Variants in ASPG observed in about 807,000 individuals in gnomAD.
ASPG encodes 60 kDa lysophospholipase.
ASPG carries 53 observed loss-of-function variants against 63.2 expected under a neutral mutation model. The ratio of observed to expected loss-of-function variants is 0.84; its 90% CI spans 0.67 to 1.05. ASPG has a LOEUF of 1.05. Ranked by LOEUF, ASPG falls within the 50% of genes least tolerant of loss-of-function variation. The pLI is 0.00. For synonymous variants in ASPG, 370 were observed against 355.0 expected, an observed-to-expected ratio of 1.04 and a Z score of -0.48; for missense variants, 741 against 794.4, an observed-to-expected ratio of 0.93 and a Z score of 0.81.
Position 104,105,435 on chromosome 14 carries a change from T to C in ASPG, c.1158T>C (p.Ser386=). The C allele has an allele frequency of 6.2e-7, 1 of 1,602,500 alleles. No homozygotes were observed. Among genetic ancestry groups the C allele is most frequent in the East Asian group, 2.2e-5 (1 of 44,572 alleles). Residue 386 remains serine, a synonymous_variant, in exon 10 of 16, where the codon AGT becomes AGC. Transcript: ENST00000551177. The part of the protein sequence containing the change: ...TLGGGVSWLL[S]LSGSQEADAL... ...GCGGTGGGGTCTCCTGGCTCCTCAG[T>C]CTGAGCGGCAGCCAGGTAATGGCGT...
At chr14:104,103,372 A>C (rs1467844) in intron 6 of ASPG, among the ~76,000 whole-genome samples, 191 bp from the exon 7 acceptor site, 1 of 152,218 alleles carries the variant, frequency 6.6e-6, no homozygotes, top group African/African-American at 2.4e-5. Context: ...AGCCTGGCAC[A>C]GGCCGGACTG....
Position 104,104,373 on chromosome 14 carries a change from A to G in ASPG, c.823A>G (p.Thr275Ala). ...METFGSGNGP[T>A]KPDLLQELRV... ...GACCTTCGGTTCAGGGAACGGACCC[A>G]CCAAGCCCGACCTGCTGCAGGAGCT... is the stretch of plus-strand genomic sequence containing the variant. The change falls in exon 8 of 16, where the codon ACC becomes GCC. Residue 275 changes from threonine (T) to alanine (A), a missense_variant. Coordinates refer to ENST00000551177, the MANE Select transcript of ASPG (RefSeq NM_001080464.3). 1.6e-5 allele frequency: 25 copies of G among 1,612,544 alleles called. No homozygotes were observed. The highest frequency in any genetic ancestry group is 2.1e-5 in the Non-Finnish European group (25 of 1,179,784).
rs1216025691 is a variant in ASPG at position 104,110,628 on chromosome 14, C to T, written c.1521-874C>T. The T allele has an allele frequency of 3.0e-6, 3 of 985,184 alleles. No homozygotes were observed. The highest frequency in any genetic ancestry group is 3.6e-6 in the Non-Finnish European group (3 of 829,870). The allele number at this position is 985,184 out of a possible 1,614,324, so 61.0% of individuals were successfully genotyped here. ...TCCAGGAGGGGCCAGTGAGGCCATC[C>T]AGCAGATTCGCTGCAGAGATTACCC... On this transcript the variant is annotated intron_variant, in intron 13 of 15. Transcript: ENST00000551177. The surrounding 1 kb of genome is among the most constrained non-coding windows in gnomAD (Gnocchi z 4.7).
rs749609913 is a variant in ASPG, at chr14:104,093,635, TGGTGTGTGGGTGGGGCTGA to T, written c.303+52_303+70del. 3.4e-3 allele frequency: 2,865 copies of T among 843,720 alleles called. 6 individuals are homozygous for T. The highest frequency in any genetic ancestry group is 7.1e-3 in the Middle Eastern group (19 of 2,678). 52.3% of individuals were successfully genotyped at this position (843,720 alleles called of 1,614,324 possible). A position where few individuals can be genotyped will look rare whatever the true frequency, so the allele number is the denominator to read the frequency against. Reference sequence around the variant, plus strand: ...GGCTGGGGAATGCTGGGTGGGGCTGTGGTGTGTGGGTGGGGCTGAGGTGTGTGGGTGGGGCTGTGGTGTG... The same window carrying T: ...GGCTGGGGAATGCTGGGTGGGGCTGTGGTGTGTGGGTGGGGCTGTGGTGTG... On this transcript the variant is annotated intron_variant, in intron 3 of 15. Transcript: ENST00000551177.
intron 10 of ASPG, 90 bp from the exon 11 acceptor site, chr14:104,106,709 C>A: frequency 1.7e-6 from 2 of 1,173,622 alleles, no homozygotes; most frequent in Non-Finnish European, 2.4e-6. Flanking sequence ...TGTGTGGGGG[C>A]TGGCAGGGGT....
intron 12 of ASPG, among the ~76,000 whole-genome samples, chr14:104,108,001 A>C (rs1239844558): frequency 1.3e-5 from 2 of 152,040 alleles, no homozygotes; most frequent in African/African-American, 4.8e-5. Flanking sequence ...GGCCTGCAGG[A>C]CCCTGGGTTC....
Position 104,092,753 on chromosome 14 carries a change from C to T in ASPG, c.191+12C>T, listed in dbSNP as rs936503965. 4 of 1,531,936 alleles carry T rather than the reference C, an allele frequency of 2.6e-6. No individual in the cohort carries two copies. The highest frequency in any genetic ancestry group is 3.5e-6 in the Non-Finnish European group (4 of 1,143,732). 94.9% of individuals were successfully genotyped at this position (1,531,936 alleles called of 1,614,324 possible). A position where few individuals can be genotyped will look rare whatever the true frequency, so the allele number is the denominator to read the frequency against. The stretch of plus-strand genomic sequence containing the variant: ...ACCCTGGTGCTACCGTGAGTGTGGG[C>T]TCCTCCCAGTCCCGGACAGGGCATG... On this transcript the variant is annotated intron_variant, in intron 2 of 15. Coordinates refer to ENST00000551177, the MANE Select transcript of ASPG (RefSeq NM_001080464.3).
Position 104,112,712 on chromosome 14 carries a change from A to G in ASPG, c.*168A>G. On this transcript the variant is annotated 3_prime_UTR_variant, in exon 16 of 16. Transcript: ENST00000551177. ...ATAAAGTCTCTGACATCCCCTCACC[A>G]GGTCTGTACAGCCTGGCTCTGAGAG... 1.4e-6 allele frequency: 2 copies of G among 1,455,416 alleles called. No individual in the cohort carries two copies. The highest frequency in any genetic ancestry group is 4.0e-5 in the Admixed American group (2 of 49,764). 90.2% of individuals were successfully genotyped at this position (1,455,416 alleles called of 1,614,324 possible).
Position 104,097,592 on chromosome 14 carries a change from C to T in ASPG, c.468C>T (p.Asn156=). The T allele has an allele frequency of 6.4e-7, 1 of 1,564,164 alleles. No individual in the cohort carries two copies. The highest frequency in any genetic ancestry group is 8.7e-7 in the Non-Finnish European group (1 of 1,154,984). Residue 156 remains asparagine (N), a synonymous_variant, in exon 5 of 16, where the codon AAC becomes AAT. Coordinates refer to ENST00000551177, the MANE Select transcript of ASPG (RefSeq NM_001080464.3). ...IHALWSDGRE[N]LLGALLMAGQ... is the part of the protein sequence containing the mutation. Reference sequence around the variant, plus strand: ...CCCTGTGGAGCGACGGCCGTGAGAACCTGCTGGGGGCACTGCTCATGGCTG... The same window carrying T: ...CCCTGTGGAGCGACGGCCGTGAGAATCTGCTGGGGGCACTGCTCATGGCTG...
Position 104,109,411 on chromosome 14 carries a change from G to A in ASPG, c.1520+96G>A. On this transcript the variant is annotated intron_variant, in intron 13 of 15. Coordinates refer to ENST00000551177, the MANE Select transcript of ASPG (RefSeq NM_001080464.3). The surrounding 1 kb of genome is among the most constrained non-coding windows in gnomAD (Gnocchi z 4.8). ...TGCTGGGAGGGACAAGTGAGTCAGG[G>A]TGTGGGGGCTTTCAGAGGCGAGGCC... The A allele has an allele frequency of 7.3e-7, 1 of 1,373,048 alleles. No individual in the cohort carries two copies. Among genetic ancestry groups the A allele is most frequent in the Non-Finnish European group, 9.8e-7 (1 of 1,022,062 alleles). 85.1% of individuals were successfully genotyped at this position (1,373,048 alleles called of 1,614,324 possible).
intron 3 of ASPG, 48 bp downstream of exon 3, chr14:104,093,650 G>A: frequency 1.0e-6 from 1 of 965,032 alleles, no homozygotes; most frequent in Non-Finnish European, 1.3e-6. Flanking sequence ...TGTGGGTGGG[G>A]CTGAGGTGTG....
At chr14:104,107,797 A>C (rs969307409) in intron 12 of ASPG, among the ~76,000 whole-genome samples, 1 of 152,186 alleles carries the variant, frequency 6.6e-6, no homozygotes, top group African/African-American at 2.4e-5. Flanking sequence ...GCAGAGACGG[A>C]GTGTGTGCCT....
At chr14:104,094,870 T>A (rs1227983002) in intron 3 of ASPG, among the ~76,000 whole-genome samples, 1 of 152,188 alleles carries the variant, frequency 6.6e-6, no homozygotes, top group Non-Finnish European at 1.5e-5. Flanking sequence ...CCTCTGCAGT[T>A]CCCAGGCCTA....
chr14:104,104,992 C>G (rs2037058983), intron 9 of ASPG: 1 of 575,908 alleles, frequency 1.7e-6, no homozygotes, highest in Non-Finnish European at 3.1e-6. Context: ...AGACCTGAGG[C>G]TCCCCTAACT....
chr14:104,097,854 A>ATGGAGGTTCTGCGTTAGAGATGCG lies in ASPG; in HGVS notation c.513+218_513+219insGGAGGTTCTGCGTTAGAGATGCGT, dbSNP rs1566830008. ...TATGGAGGTTCTGCGTTAGAGATGCATATGGAGGTTCTACGTTAGAGATAC... is the reference window on the plus strand; with the variant it reads ...TATGGAGGTTCTGCGTTAGAGATGCATGGAGGTTCTGCGTTAGAGATGCGTATGGAGGTTCTACGTTAGAGATAC... On this transcript the variant is annotated intron_variant, in intron 5 of 15. Transcript: ENST00000551177. Among the ~76,000 whole-genome samples the ATGGAGGTTCTGCGTTAGAGATGCG allele has an allele frequency of 1.1e-3, 53 of 48,804 alleles. 5 individuals are homozygous for ATGGAGGTTCTGCGTTAGAGATGCG. Among genetic ancestry groups the ATGGAGGTTCTGCGTTAGAGATGCG allele is most frequent in the Admixed American group, 3.8e-3 (15 of 3,964 alleles). The allele number at this position is 48,804 out of a possible 152,430, so 32.0% of individuals were successfully genotyped here.
intron 2 of ASPG, 83 bp from the exon 3 acceptor site, chr14:104,093,408 C>A: frequency 7.8e-7 from 1 of 1,275,662 alleles, no homozygotes; most frequent in South Asian, 1.2e-5. Flanking sequence ...CAGAGGGGAA[C>A]AGAGCGGGTC....
intron 6 of ASPG, 137 bp from the exon 7 acceptor site, chr14:104,103,426 C>G: frequency 1.4e-6 from 1 of 716,460 alleles, no homozygotes; most frequent in Non-Finnish European, 2.3e-6. Flanking sequence ...GGAGGCAGGG[C>G]GAGGGGGCTG....
At chr14:104,098,763 A>G (rs2036739518) in intron 5 of ASPG, 90 bp from the exon 6 acceptor site, 1 of 1,556,522 alleles carries the variant, frequency 6.4e-7, no homozygotes. Flanking sequence ...GGGTCTGGGC[A>G]CCTCATTGAT....
At position 104,085,869 on chromosome 14, in the gene ASPG, G is replaced by T; in HGVS notation, c.82+17G>T. ...AGCTCGGCGGTGAGTCCGAGACCCT[G>T]GGCGGGGTAGGCCTCTGGACCTGGC... On this transcript the variant is annotated intron_variant, in intron 1 of 15. Transcript: ENST00000551177. The T allele has an allele frequency of 6.3e-7, 1 of 1,575,350 alleles. No individual in the cohort carries two copies.
Sources: gnomAD v4.1 joint callset for allele counts (sites outside exome capture counted in the v4.1 genomes callset) on GRCh38, gnomAD v4.1.1 for gene constraint, Gnocchi (gnomAD v3.1) non-coding constraint, MANE v1.5 for transcripts, NCBI Gene and HGNC (gene_info 2026-07-23, HGNC 2026-07-21) for gene names.